Variants in ASNS observed in about 807,000 individuals in gnomAD.
The protein encoded by ASNS is asparagine synthetase [glutamine-hydrolyzing].
ASNS carries 37 observed loss-of-function variants against 62.6 expected under a neutral mutation model. The ratio of observed to expected loss-of-function variants is 0.59; its 90% CI spans 0.45 to 0.78. ASNS has a LOEUF of 0.78. ASNS is among the 30% of genes least tolerant of loss of function. The pLI, the probability that ASNS is intolerant of heterozygous loss-of-function variation, is 0.00. For missense variants in ASNS, 520 were observed against 682.4 expected, an observed-to-expected ratio of 0.76 and a Z score of 2.65; for synonymous variants, 207 against 237.9, an observed-to-expected ratio of 0.87 and a Z score of 1.19.
the ASNS span, among the ~76,000 whole-genome samples, chr7:97,921,585 A>G: frequency 3.3e-5 from 5 of 152,176 alleles, no homozygotes; most frequent in Admixed American, 2.0e-4. Context: ...TACTTGAAGG[A>G]GGAATGGAGA....
At chr7:97,905,155 C>G in the ASNS span, among the ~76,000 whole-genome samples, 1 of 152,240 alleles carries the variant, frequency 6.6e-6, no homozygotes, top group Non-Finnish European at 1.5e-5. Context: ...CATCGCCACT[C>G]TAGCTACATC....
the ASNS span, among the ~76,000 whole-genome samples, chr7:97,921,332 T>G: frequency 6.6e-6 from 1 of 152,176 alleles, no homozygotes; most frequent in Non-Finnish European, 1.5e-5. Context: ...TGGTAAATAG[T>G]TCAGCTTTGC....
At chr7:97,865,272 C>T (rs1791910362) in intron 3 of ASNS, among the ~76,000 whole-genome samples, 3 of 152,320 alleles carry the variant, frequency 2.0e-5, no homozygotes, top group East Asian at 3.9e-4. Flanking sequence ...GCTGTACAAA[C>T]AATGGCAGGC....
At position 97,859,268 on chromosome 7, in the gene ASNS, G is replaced by A. The variant is rs775502417; in HGVS notation, c.618C>T (p.His206=). 4.0e-5 allele frequency: 64 copies of A among 1,614,036 alleles called. No homozygotes were observed. The highest frequency in any genetic ancestry group is 5.1e-5 in the Non-Finnish European group (60 of 1,180,018). The change falls in exon 5 of 13, where the codon CAC becomes CAT. Residue 206 remains histidine (H), a synonymous_variant. Transcript: ENST00000394308. The part of the protein sequence containing the change: ...VASVEMVKYH[H]CRDVPLHALY... ...GGGCGTGCAGGGGTACATCCCGACA[G>A]TGATGATATTTAACCATTTCCACGG...
chr7:97,875,919 T>C (rs1792429198), upstream of ASNS, among the ~76,000 whole-genome samples: 1 of 151,836 alleles, frequency 6.6e-6, no homozygotes, highest in African/African-American at 2.4e-5. Context: ...TGCAGTGGCA[T>C]GATCATGGAT....
At chr7:97,887,868 G>C in the ASNS span, among the ~76,000 whole-genome samples, 1 of 152,194 alleles carries the variant, frequency 6.6e-6, no homozygotes, top group African/African-American at 2.4e-5. Flanking sequence ...TCTTCTAGTT[G>C]CCTTTATTTA....
At chr7:97,894,698 C>T in the ASNS span, among the ~76,000 whole-genome samples, 6 of 152,032 alleles carry the variant, frequency 3.9e-5, no homozygotes, top group Non-Finnish European at 8.8e-5. Context: ...CCTGAACTGA[C>T]CCAAAATGAA....
chr7:97,862,082 A>G (rs1158439428), intron 4 of ASNS, among the ~76,000 whole-genome samples: 4 of 151,832 alleles, frequency 2.6e-5, no homozygotes, highest in Non-Finnish European at 5.9e-5. Flanking sequence ...ATAAGGAACT[A>G]TTACAATTCA....
At chr7:97,904,010 C>T in the ASNS span, among the ~76,000 whole-genome samples, 7 of 151,958 alleles carry the variant, frequency 4.6e-5, no homozygotes, top group Admixed American at 3.3e-4. Flanking sequence ...ATGGCTGCAC[C>T]GTTTAATCAA....
At chr7:97,927,791 G>A in the ASNS span, among the ~76,000 whole-genome samples, 1 of 152,138 alleles carries the variant, frequency 6.6e-6, no homozygotes, top group Non-Finnish European at 1.5e-5. Context: ...AGAGTTCAGT[G>A]TCCAGGTGAC....
the ASNS span, among the ~76,000 whole-genome samples, chr7:97,916,107 G>A: frequency 6.6e-6 from 1 of 152,170 alleles, no homozygotes; most frequent in Non-Finnish European, 1.5e-5. Flanking sequence ...TTCCAGCCAG[G>A]CATGGTGGCT....
At chr7:97,902,028 T>A in the ASNS span, among the ~76,000 whole-genome samples, 2 of 152,160 alleles carry the variant, frequency 1.3e-5, no homozygotes, top group South Asian at 2.1e-4. Context: ...TTAATGTGTA[T>A]ATGGACAATA....
At chr7:97,855,897 C>G (rs578242848) in intron 8 of ASNS, among the ~76,000 whole-genome samples, 1 of 152,296 alleles carries the variant, frequency 6.6e-6, no homozygotes, top group East Asian at 1.9e-4. Flanking sequence ...TCACATAAAG[C>G]TGGGGAGACT....
chr7:97,879,933 C>G, the ASNS span, among the ~76,000 whole-genome samples: 1 of 152,122 alleles, frequency 6.6e-6, no homozygotes. Context: ...CTCAGTCTCC[C>G]CAGGGAGACC....
At chr7:97,910,460 G>C in the ASNS span, among the ~76,000 whole-genome samples, 1 of 152,128 alleles carries the variant, frequency 6.6e-6, no homozygotes, top group Non-Finnish European at 1.5e-5. Context: ...CATGACGATG[G>C]GCTTTATTGG....
chr7:97,853,436 T>C, intron 10 of ASNS, 50 bp from the exon 11 acceptor site: 1 of 1,484,628 alleles, frequency 6.7e-7, no homozygotes, highest in East Asian at 2.3e-5. Context: ...ATTTAGTGCC[T>C]GCCAGGTTAG....
At chr7:97,857,268 T>C (rs1791488262) in intron 7 of ASNS, among the ~76,000 whole-genome samples, 1 of 152,178 alleles carries the variant, frequency 6.6e-6, no homozygotes, top group Non-Finnish European at 1.5e-5. Context: ...CGGCATTGAT[T>C]ACCTTGCACT....
the ASNS span, chr7:97,908,813 T>C: frequency 4.6e-5 from 7 of 152,336 alleles, no homozygotes; most frequent in South Asian, 4.1e-4. Flanking sequence ...TCTCACATGA[T>C]GACAAACTCG....
intron 4 of ASNS, among the ~76,000 whole-genome samples, chr7:97,861,108 G>A (rs533383542): frequency 8.1e-4 from 116 of 142,834 alleles, no homozygotes; most frequent in African/African-American, 2.7e-3. Flanking sequence ...CGCAAGCTCC[G>A]TCTCCCGGGT....
Sources: allele counts gnomAD v4.1 joint callset (sites outside exome capture counted in the v4.1 genomes callset), GRCh38; gene constraint gnomAD v4.1.1; transcripts MANE v1.5; gene names NCBI Gene and HGNC (gene_info 2026-07-23, HGNC 2026-07-21).